The following LTN1 variants were observed in gnomAD, a reference collection of about 807,000 sequenced individuals.
LTN1 encodes the protein listerin E3 ubiquitin protein ligase 1.
Under a neutral mutation model 201.2 loss-of-function variants are expected in LTN1, and 88 were observed. That is an observed-to-expected ratio of 0.44 (90% CI 0.37 to 0.52). The LOEUF is 0.52. LTN1 is among the 20% of genes least tolerant of loss of function. The pLI is 0.00. For missense variants in LTN1, 1,752 were observed against 2,038.7 expected, an observed-to-expected ratio of 0.86 and a Z score of 2.71; for synonymous variants, 645 against 713.5, an observed-to-expected ratio of 0.90 and a Z score of 1.53.
chr21:28,957,565 C>A (rs1187991743), intron 14 of LTN1, 89 bp from the exon 15 acceptor site: 1 of 789,408 alleles, frequency 1.3e-6, no homozygotes, highest in African/African-American at 1.8e-5. Flanking sequence ...TATAATAGCT[C>A]ACCTGAACAA....
intron 21 of LTN1, 34 bp from the exon 22 acceptor site, chr21:28,944,630 G>C: frequency 7.0e-7 from 1 of 1,434,204 alleles, no homozygotes. Context: ...TAGGTAAACA[G>C]ACTTCTACCA....
intron 13 of LTN1, among the ~76,000 whole-genome samples, chr21:28,958,856 C>A (rs559364922): frequency 6.7e-5 from 10 of 148,978 alleles, no homozygotes; most frequent in African/African-American, 2.5e-4. Context: ...TTTCCAAATA[C>A]AGAAGTTAGT....
At position 28,941,425 on chromosome 21, in the gene LTN1, ACAC is replaced by A. The variant is rs781507523; in HGVS notation, c.4296-22_4296-20del. 7.7e-6 allele frequency: 12 copies of A among 1,559,644 alleles called. No individual in the cohort carries two copies. Among genetic ancestry groups the A allele is most frequent in the South Asian group, 3.5e-5 (3 of 85,314 alleles). On this transcript the variant is annotated intron_variant, in intron 24 of 29. Coordinates refer to ENST00000361371, the MANE Select transcript of LTN1 (RefSeq NM_015565.3). ...TGGTGACCTAAGAATCAATGATTAA[ACAC>A]CACAAGTTTTCTTTATAATTCATTC...
At chr21:28,966,012 A>G in intron 10 of LTN1, 106 bp from the exon 11 acceptor site, 1 of 709,472 alleles carries the variant, frequency 1.4e-6, no homozygotes, top group Admixed American at 3.1e-5. Flanking sequence ...GGCTCAAGCC[A>G]ATGTCTCACC....
chr21:28,966,450 G>A lies in LTN1; in HGVS notation c.2041C>T (p.Leu681=). The change falls in exon 10 of 30, where the codon CTG becomes TTG. Residue 681 remains leucine, a synonymous_variant. Coordinates refer to ENST00000361371, the MANE Select transcript of LTN1 (RefSeq NM_015565.3). ...NEDQRKDFGF[L]VDILYSALRC... The stretch of plus-strand genomic sequence containing the variant: ...AGAGCACTGTACAAAATGTCCACCA[G>A]GAAACCAAAATCCTTCCTTTGATCT... 2 of 1,614,122 alleles carry A rather than the reference G, an allele frequency of 1.2e-6. No individual in the cohort carries two copies. Among genetic ancestry groups the A allele is most frequent in the Middle Eastern group, 1.6e-4 (1 of 6,062 alleles).
Position 28,945,787 on chromosome 21 carries a change from G to A in LTN1, c.3768+20C>T. The A allele has an allele frequency of 1.2e-6, 2 of 1,606,080 alleles. No homozygotes were observed. ...TGTACAAAAACCCACAAGAGGTGAT[G>A]ACATATCGGGTTAATTTACCTCCAA... is the stretch of plus-strand genomic sequence containing the variant. On this transcript the variant is annotated intron_variant, in intron 21 of 29. Transcript: ENST00000361371.
rs73901128 is a variant in LTN1, at chr21:28,966,245, A to G, written c.2121+125T>C. 615 of 803,670 alleles carry G rather than the reference A, an allele frequency of 7.7e-4. 2 individuals carry two copies. In the African/African-American group the frequency reaches 1.0e-2, roughly 13 times the overall value. The allele number at this position is 803,670 out of a possible 1,614,324, so 49.8% of individuals were successfully genotyped here. ...AGCCCTAGATACTTCCCAAATCATG[A>G]TCAAGAATATATTGCTTGTCCTAAA... On this transcript the variant is annotated intron_variant, in intron 10 of 29. Transcript: ENST00000361371.
intron 25 of LTN1, among the ~76,000 whole-genome samples, chr21:28,940,395 T>C (rs1289342581): frequency 6.6e-6 from 1 of 152,216 alleles, no homozygotes; most frequent in Non-Finnish European, 1.5e-5. Flanking sequence ...TAGTGGCTGC[T>C]AGAATAATTT....
intron 18 of LTN1, among the ~76,000 whole-genome samples, chr21:28,950,353 A>T (rs1161340106): frequency 6.6e-6 from 1 of 152,112 alleles, no homozygotes; most frequent in African/African-American, 2.4e-5. Context: ...TAAGAAAGCT[A>T]TTCATTTTTG....
At chr21:28,965,653 C>A (rs993283586) in intron 11 of LTN1, among the ~76,000 whole-genome samples, 1 of 152,044 alleles carries the variant, frequency 6.6e-6, no homozygotes, top group Admixed American at 6.6e-5. Context: ...GTTCATTTTT[C>A]CCTAATATTA....
Position 28,958,373 on chromosome 21 carries a change from C to CA in LTN1, c.2747+12dup. On this transcript the variant is annotated intron_variant, in intron 14 of 29. Coordinates refer to ENST00000361371, the MANE Select transcript of LTN1 (RefSeq NM_015565.3). ...ATAAAAGAGACACTGAAACCAAGCT[C>CA]AAAAAAGGTTACCTGTTGATATCCA... 1 of 1,593,420 alleles carries CA rather than the reference C, an allele frequency of 6.3e-7. No homozygotes were observed. Among genetic ancestry groups the CA allele is most frequent in the Non-Finnish European group, 8.5e-7 (1 of 1,174,480 alleles).
At position 28,965,854 on chromosome 21, in the gene LTN1, C is replaced by A; in HGVS notation, c.2163+11G>T. Reference sequence around the variant, plus strand: ...TACAAAAAAAAAAAGAAAAAAAAATCCCTAAGATACCTTTTCAATAATCTT... The same window carrying A: ...TACAAAAAAAAAAAGAAAAAAAAATACCTAAGATACCTTTTCAATAATCTT... On this transcript the variant is annotated intron_variant, in intron 11 of 29. Coordinates refer to ENST00000361371, the MANE Select transcript of LTN1 (RefSeq NM_015565.3). 2 of 1,386,578 alleles carry A rather than the reference C, an allele frequency of 1.4e-6. No homozygotes were observed. Among genetic ancestry groups the A allele is most frequent in the South Asian group, 1.3e-5 (1 of 76,910 alleles). The allele number at this position is 1,386,578 out of a possible 1,614,324, so 85.9% of individuals were successfully genotyped here. A position where few individuals can be genotyped will look rare whatever the true frequency, so the allele number is the denominator to read the frequency against.
chr21:28,978,355 T>C (rs1204277464), intron 6 of LTN1, among the ~76,000 whole-genome samples: 1 of 152,112 alleles, frequency 6.6e-6, no homozygotes, highest in Non-Finnish European at 1.5e-5. Flanking sequence ...TAATGTCTTG[T>C]AACGGCATGA....
chr21:28,953,167 A>C, intron 17 of LTN1, 50 bp downstream of exon 17: 1 of 1,405,238 alleles, frequency 7.1e-7, no homozygotes, highest in Non-Finnish European at 9.6e-7. Flanking sequence ...AGGCAAAGCC[A>C]TAAAGAAGTA....
intron 26 of LTN1, 89 bp from the exon 27 acceptor site, chr21:28,935,418 C>T: frequency 2.4e-6 from 2 of 821,460 alleles, no homozygotes; most frequent in South Asian, 3.3e-5. Context: ...GAAAGTGATC[C>T]TTAATTTCTC....
At chr21:28,964,644 G>A (rs1029560447) in intron 11 of LTN1, 1 of 1,550,234 alleles carries the variant, frequency 6.5e-7, no homozygotes, top group Middle Eastern at 1.7e-4. Flanking sequence ...AAGGAGATGA[G>A]GAGGCTAGTG....
At chr21:28,950,661 G>A (rs193255117) in intron 18 of LTN1, among the ~76,000 whole-genome samples, 136 of 152,176 alleles carry the variant, frequency 8.9e-4, no homozygotes, top group African/African-American at 3.1e-3. Flanking sequence ...AACTACAGGT[G>A]CACACCACCA....
chr21:28,989,827 C>T (rs190652480), intron 1 of LTN1, among the ~76,000 whole-genome samples: 2 of 152,092 alleles, frequency 1.3e-5, no homozygotes, highest in Admixed American at 1.3e-4. Context: ...CCAGCCTAGC[C>T]AACATGGCAA....
At chr21:28,953,786 C>A (rs945766913) in intron 16 of LTN1, among the ~76,000 whole-genome samples, 1 of 152,166 alleles carries the variant, frequency 6.6e-6, no homozygotes, top group Non-Finnish European at 1.5e-5. Flanking sequence ...AGTAAAAGGA[C>A]ATGAGGCCTC....
Sources: allele counts gnomAD v4.1 joint callset (sites outside exome capture counted in the v4.1 genomes callset), GRCh38; gene constraint gnomAD v4.1.1; transcripts MANE v1.5; gene names NCBI Gene and HGNC (gene_info 2026-07-23, HGNC 2026-07-21).